Variants in FBXO33 observed in about 807,000 individuals in gnomAD.
FBXO33 encodes the protein F-box only protein 33.
In FBXO33, 22 loss-of-function variants were observed where a neutral mutation model predicts 46.3. That is an observed-to-expected ratio of 0.48 (90% CI 0.34 to 0.68). The LOEUF (loss-of-function observed/expected upper bound fraction) is 0.68. Among genes scored for constraint, FBXO33 ranks in the 30% least tolerant of loss-of-function variants. The pLI is 0.01. For synonymous variants in FBXO33, 337 were observed against 291.3 expected (o/e 1.16, Z -1.60); for missense variants, 692 against 708.8 (o/e 0.98, Z 0.27).
intron 1 of FBXO33, among the ~76,000 whole-genome samples, chr14:39,420,829 A>G (rs939840906): frequency 6.6e-6 from 1 of 152,226 alleles, no homozygotes; most frequent in Non-Finnish European, 1.5e-5. Flanking sequence ...AAAATTAGAA[A>G]ACAAGGCAGT....
At chr14:39,409,175 G>A (rs2075411664) in intron 1 of FBXO33, among the ~76,000 whole-genome samples, 1 of 152,076 alleles carries the variant, frequency 6.6e-6, no homozygotes, top group Non-Finnish European at 1.5e-5. Flanking sequence ...CCAATGCCAA[G>A]AAGCTTTCCC....
At chr14:39,430,782 T>C (rs1000568417) in intron 1 of FBXO33, among the ~76,000 whole-genome samples, 1 of 152,108 alleles carries the variant, frequency 6.6e-6, no homozygotes, top group Admixed American at 6.5e-5. Context: ...AAAATGATGA[T>C]TGGGAGGGAT....
Position 39,420,462 on chromosome 14 carries a change from G to A in FBXO33, c.599+11102C>T, listed in dbSNP as rs925404593. Among the ~76,000 whole-genome samples the A allele has an allele frequency of 2.6e-5, 4 of 152,242 alleles. No individual in the cohort carries two copies. The East Asian group carries it at 5.8e-4, about 22-fold the overall frequency. On this transcript the variant is annotated intron_variant, in intron 1 of 3. Coordinates refer to ENST00000298097, the MANE Select transcript of FBXO33 (RefSeq NM_203301.4). ...TCTCAGCGCTTTGGGAGGCCGGGGCGGGCGGATCACGAGGTCAGATCGAGA... is the reference window on the plus strand; with the variant it reads ...TCTCAGCGCTTTGGGAGGCCGGGGCAGGCGGATCACGAGGTCAGATCGAGA...
At chr14:39,411,882 T>C (rs1290334373) in intron 1 of FBXO33, among the ~76,000 whole-genome samples, 1 of 152,242 alleles carries the variant, frequency 6.6e-6, no homozygotes, top group Non-Finnish European at 1.5e-5. Flanking sequence ...AATTTTCCTT[T>C]TATTGATTTC....
Position 39,401,551 on chromosome 14 carries a change from C to A in FBXO33, c.1021G>T (p.Val341Phe). 6.2e-7 allele frequency: 1 copy of A among 1,614,122 alleles called. No homozygotes were observed. Among genetic ancestry groups the A allele is most frequent in the East Asian group, 2.2e-5 (1 of 44,884 alleles). ...HVPLQRLSLL[V>F]HNVSVMHKSL... The stretch of plus-strand genomic sequence containing the variant: ...TTGTGCATTACAGAAACATTGTGAA[C>A]CAGAAGAGACAGTCGTTGCAAAGGC... The change falls in exon 3 of 4, where the codon GTT (valine) becomes TTT (phenylalanine). Residue 341 changes from valine to phenylalanine, a missense_variant. By Grantham distance (50) the Val-to-Phe change is conservative. Transcript: ENST00000298097.
At position 39,401,229 on chromosome 14, in the gene FBXO33, G is replaced by A. The variant is rs1160519646; in HGVS notation, c.1343C>T (p.Pro448Leu). ...GCACCTCCATGCTAATAAAACCAAC[G>A]GATCTTCATTTCGGTTGTCACTAAG... Reference protein sequence around the residue: ...PDLSDNRNEDPLVLLAWRCTK... With the variant: ...PDLSDNRNEDLLVLLAWRCTK... Residue 448 changes from proline (P) to leucine (L), a missense_variant, in exon 3 of 4, where the codon CCG (proline) becomes CTG (leucine). By Grantham distance (98) the Pro-to-Leu change is moderately conservative. Coordinates refer to ENST00000298097, the MANE Select transcript of FBXO33 (RefSeq NM_203301.4). 1 of 1,612,330 alleles carries A rather than the reference G, an allele frequency of 6.2e-7. No individual in the cohort carries two copies. The highest frequency in any genetic ancestry group is 1.3e-5 in the African/African-American group (1 of 74,790).
chr14:39,404,287 G>A (rs1308952485), intron 1 of FBXO33, among the ~76,000 whole-genome samples: 1 of 152,150 alleles, frequency 6.6e-6, no homozygotes, highest in East Asian at 1.9e-4. Context: ...ATTTGACACT[G>A]TAAGGGAGAG....
chr14:39,403,065 G>T (rs2075376400), intron 1 of FBXO33, among the ~76,000 whole-genome samples: 2 of 152,052 alleles, frequency 1.3e-5, no homozygotes, highest in South Asian at 4.2e-4. Flanking sequence ...AGGGTTTAAG[G>T]ATAAATGACA....
chr14:39,424,736 G>C (rs1329044799), intron 1 of FBXO33, among the ~76,000 whole-genome samples: 1 of 152,182 alleles, frequency 6.6e-6, no homozygotes, highest in Admixed American at 6.5e-5. Flanking sequence ...TGTGGAAACA[G>C]AAAATAGAAA....
intron 1 of FBXO33, among the ~76,000 whole-genome samples, chr14:39,418,050 T>G (rs1304184565): frequency 6.6e-6 from 1 of 151,998 alleles, no homozygotes; most frequent in Admixed American, 6.6e-5. Context: ...TTTTGTAATT[T>G]TCAAATTTTC....
Position 39,401,551 on chromosome 14 carries a change from C to T in FBXO33, c.1021G>A (p.Val341Ile). The change falls in exon 3 of 4, where the codon GTT (valine) becomes ATT (isoleucine). Residue 341 changes from valine (V) to isoleucine (I), a missense_variant. Val to Ile is a conservative substitution (Grantham distance 29). This residue lies in a region of FBXO33 where 186 missense variants were observed against 246.1 expected (regional missense o/e 0.76). Transcript: ENST00000298097. ...HVPLQRLSLL[V>I]HNVSVMHKSL... ...TTGTGCATTACAGAAACATTGTGAA[C>T]CAGAAGAGACAGTCGTTGCAAAGGC... 1 of 1,614,122 alleles carries T rather than the reference C, an allele frequency of 6.2e-7. No homozygotes were observed.
Position 39,399,541 on chromosome 14 carries a change from ATC to A in FBXO33, c.1641_1642del (p.Glu547AspfsTer6). Reference sequence around the variant, plus strand: ...CTAAATGTCTTCACTGAAGCTTTGCATCTCTCTGTAAAAATGACGATTTGGTT... The same window carrying A: ...CTAAATGTCTTCACTGAAGCTTTGCATCTCTGTAAAAATGACGATTTGGTT... On this transcript the variant is annotated frameshift_variant, in exon 4 of 4. Coordinates refer to ENST00000298097, the MANE Select transcript of FBXO33 (RefSeq NM_203301.4). LOFTEE classifies it high-confidence loss of function. 1 of 1,612,366 alleles carries A rather than the reference ATC, an allele frequency of 6.2e-7. No individual in the cohort carries two copies. The highest frequency in any genetic ancestry group is 8.5e-7 in the Non-Finnish European group (1 of 1,178,956).
chr14:39,422,439 T>C (rs2075489821), intron 1 of FBXO33, among the ~76,000 whole-genome samples: 1 of 152,232 alleles, frequency 6.6e-6, no homozygotes, highest in Non-Finnish European at 1.5e-5. Flanking sequence ...GTAGCCAGAC[T>C]GTTCCTTTTG....
In FBXO33 at chr14:39,431,967, C is replaced by T. The variant is rs1162740571; in HGVS notation, c.196G>A (p.Ala66Thr). 1 of 1,526,722 alleles carries T rather than the reference C, an allele frequency of 6.5e-7. No individual in the cohort carries two copies. Among genetic ancestry groups the T allele is most frequent in the South Asian group, 1.2e-5 (1 of 83,248 alleles). The allele number at this position is 1,526,722 out of a possible 1,614,324, so 94.6% of individuals were successfully genotyped here. The change falls in exon 1 of 4, where the codon GCG becomes ACG. Residue 66 changes from alanine to threonine, a missense_variant. Ala to Thr is a moderately conservative substitution (Grantham distance 58). Coordinates refer to ENST00000298097, the MANE Select transcript of FBXO33 (RefSeq NM_203301.4). ...TCGCTGGGCAGCGACGCAGCGCCCGCCGCCTGCCCGCACAGAGCCATCCGG... is the reference window on the plus strand; with the variant it reads ...TCGCTGGGCAGCGACGCAGCGCCCGTCGCCTGCCCGCACAGAGCCATCCGG... ...RGRMALCGQAAGAASLPSELI... is the reference protein window; with the variant it reads ...RGRMALCGQATGAASLPSELI...
chr14:39,428,888 C>T (rs1242658607), intron 1 of FBXO33, among the ~76,000 whole-genome samples: 1 of 152,212 alleles, frequency 6.6e-6, no homozygotes, highest in Non-Finnish European at 1.5e-5. Flanking sequence ...TACTGCCCCT[C>T]TGTTCTTACT....
chr14:39,428,215 T>C (rs1009022766), intron 1 of FBXO33, among the ~76,000 whole-genome samples: 1 of 151,778 alleles, frequency 6.6e-6, no homozygotes, highest in Non-Finnish European at 1.5e-5. Flanking sequence ...TTTTTTTAAA[T>C]TTTTTTTTGA....
chr14:39,425,000 C>T (rs35297616), intron 1 of FBXO33, among the ~76,000 whole-genome samples: 43,393 of 151,696 alleles, frequency 0.29, 7,618 homozygotes, highest in Non-Finnish European at 0.4. Context: ...GGCAGTGAGC[C>T]GAGATCATGC....
intron 1 of FBXO33, among the ~76,000 whole-genome samples, chr14:39,411,286 G>A (rs926676236): frequency 2.0e-5 from 3 of 151,730 alleles, no homozygotes; most frequent in African/African-American, 7.3e-5. Flanking sequence ...TAGAGACAGG[G>A]TTTCACTATG....
At chr14:39,426,049 C>G (rs1272067150) in intron 1 of FBXO33, among the ~76,000 whole-genome samples, 1 of 152,070 alleles carries the variant, frequency 6.6e-6, no homozygotes. Flanking sequence ...ATCCCCAAAT[C>G]CCGAAGGTTA....
Sources: gnomAD v4.1 joint callset for allele counts (sites outside exome capture counted in the v4.1 genomes callset) on GRCh38, gnomAD v4.1.1 for gene constraint, gnomAD v4.1.1 regional missense constraint, MANE v1.5 for transcripts, NCBI Gene and HGNC (gene_info 2026-07-23, HGNC 2026-07-21) for gene names.